SCYL2: variants seen among roughly 807,000 people sequenced by gnomAD.
The protein encoded by SCYL2 is SCY1 like pseudokinase 2, also known as SCY1-like protein 2.
A neutral mutation model predicts 100.4 loss-of-function variants in SCYL2; 36 were observed. That is an observed-to-expected ratio of 0.36 (90% CI 0.27 to 0.47). SCYL2 has a LOEUF of 0.47. Among genes scored for constraint, SCYL2 ranks in the 20% least tolerant of loss-of-function variants. The pLI, the probability that SCYL2 is intolerant of heterozygous loss-of-function variation, is 1.00. For missense variants in SCYL2, 902 were observed against 1,083.9 expected (o/e 0.83, Z 2.36); for synonymous variants, 330 against 359.2 (o/e 0.92, Z 0.92).
intron 4 of SCYL2, among the ~76,000 whole-genome samples, chr12:100,303,882 C>G (rs997942494): frequency 1.3e-5 from 2 of 152,174 alleles, no homozygotes; most frequent in African/African-American, 4.8e-5. Flanking sequence ...CTCAAATGCT[C>G]TGTCTCAGGG....
chr12:100,310,280 G>A (rs1047818876), intron 4 of SCYL2, among the ~76,000 whole-genome samples: 3 of 152,228 alleles, frequency 2.0e-5, no homozygotes, highest in African/African-American at 7.2e-5. Flanking sequence ...ACAGGCATGA[G>A]CCACTGTGCA....
chr12:100,278,341 A>G (rs1463228228), intron 1 of SCYL2, among the ~76,000 whole-genome samples: 1 of 152,132 alleles, frequency 6.6e-6, no homozygotes, highest in Non-Finnish European at 1.5e-5. Context: ...ATGAGACTAC[A>G]GTCAGATGAC....
At position 100,323,518 on chromosome 12, in the gene SCYL2, T is replaced by G. The variant is rs200277807; in HGVS notation, c.1396-7T>G. ...CCTAATATTGATTCAGTTTATTTTC[T>G]TTATAGGAGCTCTGTCTAAACATCA... On this transcript the variant is annotated splice_region_variant and splice_polypyrimidine_tract_variant and intron_variant, in intron 10 of 17. Coordinates refer to ENST00000360820, the MANE Select transcript of SCYL2 (RefSeq NM_017988.6). 6.7e-7 allele frequency: 1 copy of G among 1,495,342 alleles called. No homozygotes were observed. Among genetic ancestry groups the G allele is most frequent in the Non-Finnish European group, 9.2e-7 (1 of 1,081,478 alleles). 92.6% of individuals were successfully genotyped at this position (1,495,342 alleles called of 1,614,324 possible). A position where few individuals can be genotyped will look rare whatever the true frequency, so the allele number is the denominator to read the frequency against.
In SCYL2 at chr12:100,315,746, A is replaced by G. The variant is rs1447676152; in HGVS notation, c.1272+12A>G. 6.3e-7 allele frequency: 1 copy of G among 1,585,406 alleles called. No homozygotes were observed. Among genetic ancestry groups the G allele is most frequent in the South Asian group, 1.2e-5 (1 of 85,526 alleles). On this transcript the variant is annotated intron_variant, in intron 9 of 17. Coordinates refer to ENST00000360820, the MANE Select transcript of SCYL2 (RefSeq NM_017988.6). ...AGGAGCCAATCCAGGTATGTTATAGATATTTTTGTGTATTTATCTACTGTT... is the reference window on the plus strand; with the variant it reads ...AGGAGCCAATCCAGGTATGTTATAGGTATTTTTGTGTATTTATCTACTGTT...
intron 13 of SCYL2, among the ~76,000 whole-genome samples, chr12:100,330,921 T>C (rs1047132647): frequency 2.0e-5 from 3 of 151,420 alleles, no homozygotes; most frequent in Admixed American, 2.0e-4. Context: ...CTCCGCCTTC[T>C]TGGTTCAAGC....
In SCYL2 at chr12:100,339,564, A is replaced by G. The variant is rs1191971977; in HGVS notation, c.*392A>G. The G allele has an allele frequency of 6.3e-5, 12 of 190,426 alleles. 1 individual carries two copies. The Middle Eastern group carries it at 6.5e-3, about 103-fold the overall frequency. The allele number at this position is 190,426 out of a possible 1,614,324, so 11.8% of individuals were successfully genotyped here. A position where few individuals can be genotyped will look rare whatever the true frequency, so the allele number is the denominator to read the frequency against. The stretch of plus-strand genomic sequence containing the variant: ...GCTCATCTATTAAGTACTATATGGT[A>G]CACAGTCTATGAGTCATTAGTCTTC... On this transcript the variant is annotated 3_prime_UTR_variant, in exon 18 of 18. Coordinates refer to ENST00000360820, the MANE Select transcript of SCYL2 (RefSeq NM_017988.6).
chr12:100,333,029 T>A (rs1428447292), intron 13 of SCYL2, among the ~76,000 whole-genome samples: 1 of 152,132 alleles, frequency 6.6e-6, no homozygotes, highest in Non-Finnish European at 1.5e-5. Flanking sequence ...GTTGTTTCTT[T>A]ATCTGGCTAC....
At chr12:100,308,632 T>C (rs2096337806) in intron 4 of SCYL2, among the ~76,000 whole-genome samples, 1 of 152,112 alleles carries the variant, frequency 6.6e-6, no homozygotes, top group Non-Finnish European at 1.5e-5. Context: ...GAACTTAAAG[T>C]GTAATAATTA....
chr12:100,330,740 A>G (rs1952198672), intron 13 of SCYL2, among the ~76,000 whole-genome samples: 1 of 152,106 alleles, frequency 6.6e-6, no homozygotes, highest in South Asian at 2.1e-4. Flanking sequence ...TTGGAGGTAG[A>G]GAAATTTATA....
intron 10 of SCYL2, among the ~76,000 whole-genome samples, chr12:100,319,492 G>A (rs1050359589): frequency 6.6e-6 from 1 of 152,172 alleles, no homozygotes; most frequent in African/African-American, 2.4e-5. Context: ...TATTGAAGTA[G>A]TATATAATTC....
intron 4 of SCYL2, among the ~76,000 whole-genome samples, chr12:100,303,531 T>C (rs1198749416): frequency 1.3e-5 from 2 of 152,236 alleles, no homozygotes; most frequent in Non-Finnish European, 2.9e-5. Flanking sequence ...TGCATGTCTG[T>C]TGGAGTTTGC....
intron 4 of SCYL2, among the ~76,000 whole-genome samples, chr12:100,306,133 C>T (rs912713194): frequency 6.6e-6 from 1 of 152,076 alleles, no homozygotes; most frequent in African/African-American, 2.4e-5. Flanking sequence ...AAAAGAGGGA[C>T]TCCTCCCTAA....
At chr12:100,314,989 C>T (rs540157040) in intron 8 of SCYL2, among the ~76,000 whole-genome samples, 3 of 152,244 alleles carry the variant, frequency 2.0e-5, no homozygotes, top group East Asian at 1.9e-4. Context: ...GAGTGTAATA[C>T]AGTTTTTAAA....
chr12:100,329,239 A>G lies in SCYL2; in HGVS notation c.1681A>G (p.Ile561Val). ...KCTFTHKKLG[I>V]TKEQLAGKVL... is the part of the protein sequence containing the mutation. ...TACTTTTACTCATAAGAAGTTGGGA[A>G]TCACCAAAGAGCAGCTGGCCGGAAA... Residue 561 changes from isoleucine (I) to valine (V), a missense_variant, in exon 13 of 18, where the codon ATC becomes GTC. Coordinates refer to ENST00000360820, the MANE Select transcript of SCYL2 (RefSeq NM_017988.6). 6.2e-7 allele frequency: 1 copy of G among 1,608,230 alleles called. No individual in the cohort carries two copies. Among genetic ancestry groups the G allele is most frequent in the South Asian group, 1.1e-5 (1 of 90,888 alleles).
At chr12:100,319,287 G>A (rs1441139265) in intron 10 of SCYL2, 1 of 455,834 alleles carries the variant, frequency 2.2e-6, no homozygotes, top group Non-Finnish European at 4.4e-6. Context: ...AGTGGGGAAG[G>A]TGTGTCTACC....
At chr12:100,284,803 T>C (rs1161641061) in intron 2 of SCYL2, among the ~76,000 whole-genome samples, 1 of 152,158 alleles carries the variant, frequency 6.6e-6, no homozygotes, top group Non-Finnish European at 1.5e-5. Flanking sequence ...CAGCTCTTAG[T>C]TTCTCACTAT....
chr12:100,311,298 A>G (rs2096341903), intron 5 of SCYL2, 105 bp downstream of exon 5: 1 of 1,098,476 alleles, frequency 9.1e-7, no homozygotes, highest in East Asian at 2.8e-5. Context: ...GTTTAGATAT[A>G]CAGCTTTATA....
intron 4 of SCYL2, among the ~76,000 whole-genome samples, chr12:100,306,978 C>T (rs574646703): frequency 2.6e-5 from 4 of 152,230 alleles, no homozygotes; most frequent in African/African-American, 9.6e-5. Context: ...CAAACCACTC[C>T]TGAAGGAAAT....
At chr12:100,322,044 CAAAAAAAA>C (rs35666642) in intron 10 of SCYL2, among the ~76,000 whole-genome samples, 6 of 66,794 alleles carry the variant, frequency 9.0e-5, no homozygotes, top group Non-Finnish European at 1.2e-4. Flanking sequence ...CAAGACTCTC[CAAAAAAAA>C]AAAAAAAAGA....
Sources: gnomAD v4.1 joint callset for allele counts (sites outside exome capture counted in the v4.1 genomes callset) on GRCh38, gnomAD v4.1.1 for gene constraint, MANE v1.5 for transcripts, NCBI Gene and HGNC (gene_info 2026-07-23, HGNC 2026-07-21) for gene names.